Variants in ERFL observed in about 807,000 individuals in gnomAD.
ERFL encodes ETS repressor factor like.
In ERFL, 8 loss-of-function variants were observed where a neutral mutation model predicts 27.9. The observed-to-expected ratio is 0.29, with a 90% CI of 0.17 to 0.52. The LOEUF is 0.52. ERFL is among the 20% of genes least tolerant of loss of function. The pLI, the probability that ERFL is intolerant of heterozygous loss-of-function variation, is 0.97. For missense variants in ERFL, 294 were observed against 444.4 expected (o/e 0.66, Z 3.04); for synonymous variants, 174 against 202.8 (o/e 0.86, Z 1.21).
At position 41,914,423 on chromosome 19, in the gene ERFL, C is replaced by T. The variant is rs575135659; in HGVS notation, c.-13-1491G>A. Among the ~76,000 whole-genome samples, 16 of 152,000 alleles carry T rather than the reference C, an allele frequency of 1.1e-4. No homozygotes were observed. The East Asian group carries it at 1.5e-3, about 15-fold the overall frequency. On this transcript the variant is annotated intron_variant, in intron 1 of 5. Transcript: ENST00000597630. Reference sequence around the variant, plus strand: ...CTCTCGTCTCCATCTCCTCCTCCACCCCTCAGTCTCTTCCCTGTTTCTCCA... The same window carrying T: ...CTCTCGTCTCCATCTCCTCCTCCACTCCTCAGTCTCTTCCCTGTTTCTCCA...
At chr19:41,913,050 AC>A in intron 1 of ERFL, 118 bp from the exon 2 acceptor site, 1 of 408,418 alleles carries the variant, frequency 2.4e-6, no homozygotes, top group Non-Finnish European at 4.2e-6. Flanking sequence ...CCAGCCTGAC[AC>A]CCTCTCCCCG....
At position 41,909,302 on chromosome 19, in the gene ERFL, G is replaced by C; in HGVS notation, c.472C>G (p.Pro158Ala). ...TPSPFGGAPGPDAPPLTPETL... is the reference protein window; with the variant it reads ...TPSPFGGAPGADAPPLTPETL... ...TCAGGGGTGAGGGGAGGAGCATCTG[G>C]CCCTGGGGCCCCCCCAAAGGGACTG... Residue 158 changes from proline (P) to alanine (A), a missense_variant, in exon 4 of 6, where the codon CCA (proline) becomes GCA (alanine). Pro to Ala is a conservative substitution (Grantham distance 27). This residue lies in a region of ERFL where 246 missense variants were observed against 371.4 expected (regional missense o/e 0.66). Coordinates refer to ENST00000597630, the MANE Select transcript of ERFL (RefSeq NM_001365103.2). This position sits in a 1 kb window ranked among gnomAD's most constrained non-coding sequence, Gnocchi z 5.2. The C allele has an allele frequency of 8.1e-7, 1 of 1,234,716 alleles. No homozygotes were observed. Among genetic ancestry groups the C allele is most frequent in the Non-Finnish European group, 1.0e-6 (1 of 989,354 alleles). The allele number at this position is 1,234,716 out of a possible 1,614,324, so 76.5% of individuals were successfully genotyped here.
At position 41,921,222 on chromosome 19, in the gene ERFL, C is replaced by T. The variant is rs1327680030; in HGVS notation, c.-14+6818G>A. ...CGTGGACCCCGCCTCCCCTCAGAGA[C>T]CCAGAGAGATGGAGGAACTGGAGGT... On this transcript the variant is annotated intron_variant, in intron 1 of 5. Coordinates refer to ENST00000597630, the MANE Select transcript of ERFL (RefSeq NM_001365103.2). This position sits in a 1 kb window ranked among gnomAD's most constrained non-coding sequence, Gnocchi z 4.4. Among the ~76,000 whole-genome samples the T allele has an allele frequency of 1.3e-5, 2 of 151,796 alleles. No individual in the cohort carries two copies. The highest frequency in any genetic ancestry group is 3.9e-4 in the East Asian group (2 of 5,152).
chr19:41,924,129 T>C (rs1343698507), intron 1 of ERFL, among the ~76,000 whole-genome samples: 1 of 150,844 alleles, frequency 6.6e-6, no homozygotes, highest in Non-Finnish European at 1.5e-5. Context: ...GGTGAGAAAG[T>C]GAGCCTGGAG....
chr19:41,920,659 A>C (rs191414940), intron 1 of ERFL, among the ~76,000 whole-genome samples: 1 of 152,242 alleles, frequency 6.6e-6, no homozygotes, highest in South Asian at 2.1e-4. Flanking sequence ...GCATGTCTAC[A>C]CAGATCACAT....
At position 41,909,474 on chromosome 19, in the gene ERFL, G is replaced by GTGGGGAGAGTGGTGGTGT. The variant is rs2074740682; in HGVS notation, c.303-21_303-4dup. On this transcript the variant is annotated splice_polypyrimidine_tract_variant and splice_region_variant and intron_variant, in intron 3 of 5. Coordinates refer to ENST00000597630, the MANE Select transcript of ERFL (RefSeq NM_001365103.2). The surrounding 1 kb of genome is among the most constrained non-coding windows in gnomAD (Gnocchi z 5.2). ...GAATCCGCTTGTTGTAGTAGTAACT[G>GTGGGGAGAGTGGTGGTGT]TGGGGAGAGTGGTGGTGTTGGGGAG... is the stretch of plus-strand genomic sequence containing the variant. 4 of 1,246,692 alleles carry GTGGGGAGAGTGGTGGTGT rather than the reference G, an allele frequency of 3.2e-6. No individual in the cohort carries two copies. The highest frequency in any genetic ancestry group is 4.0e-6 in the Non-Finnish European group (4 of 996,486). 77.2% of individuals were successfully genotyped at this position (1,246,692 alleles called of 1,614,324 possible).
At position 41,909,872 on chromosome 19, in the gene ERFL, C is replaced by T; in HGVS notation, c.293G>A (p.Arg98Gln). The T allele has an allele frequency of 3.1e-6, 5 of 1,610,682 alleles. No individual in the cohort carries two copies. The highest frequency in any genetic ancestry group is 4.2e-6 in the Non-Finnish European group (5 of 1,178,362). ...KPHMNYDKLS[R>Q]ALRYYYNKRI... ...CCAAGCCCTTCCTCACCGCAGGGCCCGGCTCAGCTTGTCGTAATTCATGTG... is the reference window on the plus strand; with the variant it reads ...CCAAGCCCTTCCTCACCGCAGGGCCTGGCTCAGCTTGTCGTAATTCATGTG... Residue 98 changes from arginine to glutamine, a missense_variant, in exon 3 of 6, where the codon CGG becomes CAG. Physicochemically the swap from Arg to Gln is conservative, Grantham distance 43. Coordinates refer to ENST00000597630, the MANE Select transcript of ERFL (RefSeq NM_001365103.2). The surrounding 1 kb of genome is among the most constrained non-coding windows in gnomAD (Gnocchi z 5.2).
At position 41,917,476 on chromosome 19, in the gene ERFL, C is replaced by A. The variant is rs1290054428; in HGVS notation, c.-13-4544G>T. ...CCAGCCCCTTCATCCCTCACCCAGGCCCCCCCATCCCCACCTCCCCTTAAC... is the reference window on the plus strand; with the variant it reads ...CCAGCCCCTTCATCCCTCACCCAGGACCCCCCATCCCCACCTCCCCTTAAC... On this transcript the variant is annotated intron_variant, in intron 1 of 5. Coordinates refer to ENST00000597630, the MANE Select transcript of ERFL (RefSeq NM_001365103.2). This position sits in a 1 kb window ranked among gnomAD's most constrained non-coding sequence, Gnocchi z 4.8. 2.0e-5 allele frequency among the ~76,000 whole-genome samples: 3 copies of A among 147,810 alleles called. No homozygotes were observed. Among genetic ancestry groups the A allele is most frequent in the African/African-American group, 5.0e-5 (2 of 39,872 alleles).
intron 2 of ERFL, among the ~76,000 whole-genome samples, chr19:41,912,011 G>A (rs552674127): frequency 7.9e-5 from 12 of 151,950 alleles, no homozygotes; most frequent in African/African-American, 2.7e-4. Context: ...ACAGCCATGC[G>A]GAACGCCACA....
In ERFL at chr19:41,916,026, G is replaced by GC. The variant is rs1310770396; in HGVS notation, c.-13-3095dup. On this transcript the variant is annotated intron_variant, in intron 1 of 5. Coordinates refer to ENST00000597630, the MANE Select transcript of ERFL (RefSeq NM_001365103.2). This position sits in a 1 kb window ranked among gnomAD's most constrained non-coding sequence, Gnocchi z 5.4. The stretch of plus-strand genomic sequence containing the variant: ...ATTTTGCTTCCTCCACCCCCCCTTC[G>GC]CCCCCCATCTCTACCGCCCGCAGCC... Among the ~76,000 whole-genome samples, 3 of 125,826 alleles carry GC rather than the reference G, an allele frequency of 2.4e-5. No individual in the cohort carries two copies. The highest frequency in any genetic ancestry group is 5.0e-5 in the Non-Finnish European group (3 of 59,664). The allele number at this position is 125,826 out of a possible 152,430, so 82.5% of individuals were successfully genotyped here.
intron 1 of ERFL, among the ~76,000 whole-genome samples, chr19:41,927,721 C>A (rs1311503853): frequency 6.6e-6 from 1 of 152,144 alleles, no homozygotes; most frequent in Non-Finnish European, 1.5e-5. Context: ...GCCACCAACC[C>A]CCGTTCCCAG....
intron 1 of ERFL, among the ~76,000 whole-genome samples, chr19:41,913,680 C>T (rs1030614584): frequency 2.0e-5 from 3 of 151,562 alleles, no homozygotes; most frequent in Admixed American, 2.0e-4. Context: ...CATCTGCCTC[C>T]CCTGTCAGAC....
At chr19:41,926,792 A>C (rs2074874119) in intron 1 of ERFL, among the ~76,000 whole-genome samples, 2 of 152,142 alleles carry the variant, frequency 1.3e-5, no homozygotes, top group African/African-American at 4.8e-5. Flanking sequence ...AGAGCGACCG[A>C]TCGATTCGCT....
In ERFL at chr19:41,921,198, G is replaced by T. The variant is rs1024196558; in HGVS notation, c.-14+6842C>A. ...GTCTGGCTGCTCCCCAACCTCACTC[G>T]TGGACCCCGCCTCCCCTCAGAGACC... On this transcript the variant is annotated intron_variant, in intron 1 of 5. Transcript: ENST00000597630. This position sits in a 1 kb window ranked among gnomAD's most constrained non-coding sequence, Gnocchi z 4.4. Among the ~76,000 whole-genome samples the T allele has an allele frequency of 7.2e-5, 11 of 152,058 alleles. 1 individual carries two copies. Among genetic ancestry groups the T allele is most frequent in the Admixed American group, 7.2e-4 (11 of 15,278 alleles).
chr19:41,920,423 ACT>A (rs2074835112), intron 1 of ERFL, among the ~76,000 whole-genome samples: 2 of 133,466 alleles, frequency 1.5e-5, no homozygotes, highest in South Asian at 5.6e-4. Context: ...GACATGACAC[ACT>A]CACAGACATG....
At chr19:41,923,012 G>A in intron 1 of ERFL, 1 of 393,696 alleles carries the variant, frequency 2.5e-6, no homozygotes, top group Non-Finnish European at 5.1e-6. Flanking sequence ...GCAGCCTAGG[G>A]AAGAGGCGGG....
chr19:41,910,094 A>G lies in ERFL; in HGVS notation c.71T>C (p.Phe24Ser). 6.2e-7 allele frequency: 1 copy of G among 1,612,146 alleles called. No homozygotes were observed. Among genetic ancestry groups the G allele is most frequent in the Non-Finnish European group, 8.5e-7 (1 of 1,179,466 alleles). The change falls in exon 3 of 6, where the codon TTT (phenylalanine) becomes TCT (serine). Residue 24 changes from phenylalanine to serine, a missense_variant. This residue lies in a region of ERFL where 38 missense variants were observed against 35.3 expected (regional missense o/e 1.08). Coordinates refer to ENST00000597630, the MANE Select transcript of ERFL (RefSeq NM_001365103.2). The surrounding 1 kb of genome is among the most constrained non-coding windows in gnomAD (Gnocchi z 4.4). ...CTTGTAGGCCCAATCCGGGAAGGCA[A>G]ACCCTGGGGACGGGAGGCAGGGAGT... is the stretch of plus-strand genomic sequence containing the variant. ...PALPALWTPG[F>S]AFPDWAYKPE...
In ERFL at chr19:41,910,580, C is replaced by A. The variant is rs967261802; in HGVS notation, c.68-483G>T. 6.6e-6 allele frequency among the ~76,000 whole-genome samples: 1 copy of A among 152,144 alleles called. No homozygotes were observed. Among genetic ancestry groups the A allele is most frequent in the South Asian group, 2.1e-4 (1 of 4,834 alleles). Reference sequence around the variant, plus strand: ...ACCTTTCGACATTCCCCAGAGCCCCCCACTGACCCATCCTGGCATATCCAG... The same window carrying A: ...ACCTTTCGACATTCCCCAGAGCCCCACACTGACCCATCCTGGCATATCCAG... On this transcript the variant is annotated intron_variant, in intron 2 of 5. Transcript: ENST00000597630. The surrounding 1 kb of genome is among the most constrained non-coding windows in gnomAD (Gnocchi z 4.4).
chr19:41,914,053 A>G (rs1407015439), intron 1 of ERFL, among the ~76,000 whole-genome samples: 1 of 109,666 alleles, frequency 9.1e-6, no homozygotes, highest in Non-Finnish European at 1.8e-5. Context: ...GGCAGCCCAC[A>G]CTGTGTTCCC....
Sources: gnomAD v4.1 joint callset for allele counts (sites outside exome capture counted in the v4.1 genomes callset) on GRCh38, gnomAD v4.1.1 for gene constraint, gnomAD v4.1.1 regional missense constraint, Gnocchi (gnomAD v3.1) non-coding constraint, MANE v1.5 for transcripts, NCBI Gene and HGNC (gene_info 2026-07-23, HGNC 2026-07-21) for gene names.